Variants in ABCA2 observed in about 807,000 individuals in gnomAD.
ABCA2 encodes the protein ATP binding cassette subfamily A member 2.
Under a neutral mutation model 262.8 loss-of-function variants are expected in ABCA2, and 84 were observed. That is an observed-to-expected ratio of 0.32 (90% CI 0.27 to 0.38). The LOEUF is 0.38. ABCA2 is among the 10% of genes least tolerant of loss of function. The probability of loss-of-function intolerance (pLI) is 1.00; values close to 1 mark genes in which losing one functional copy is unlikely to be tolerated. For synonymous variants in ABCA2, 1,696 were observed against 1,502.9 expected, an observed-to-expected ratio of 1.13 and a Z score of -2.97; for missense variants, 2,662 against 3,405.9, an observed-to-expected ratio of 0.78 and a Z score of 5.44.
rs1194343034 is a variant in ABCA2, at chr9:137,018,291, C to T, written c.1880G>A (p.Arg627His). 1.2e-6 allele frequency: 2 copies of T among 1,603,424 alleles called. No homozygotes were observed. The highest frequency in any genetic ancestry group is 1.7e-6 in the Non-Finnish European group (2 of 1,176,460). Residue 627 changes from arginine (R) to histidine (H), a missense_variant, in exon 14 of 49, where the codon CGC (arginine) becomes CAC (histidine). Physicochemically the swap from Arg to His is conservative, Grantham distance 29. Coordinates refer to ENST00000341511, the MANE Select transcript of ABCA2 (RefSeq NM_001606.5). ...SLPPHVHYKIRQNSSFTEKTN... is the reference protein window; with the variant it reads ...SLPPHVHYKIHQNSSFTEKTN... The stretch of plus-strand genomic sequence containing the variant: ...TTTCTCGGTGAAGCTGGAGTTCTGG[C>T]GGATCTTGTAGTGCACGTGAGGCGG...
chr9:137,020,220 C>T lies in ABCA2; in HGVS notation c.1425+116G>A, dbSNP rs540318648. The T allele has an allele frequency of 9.5e-4, 1,341 of 1,416,588 alleles. 1 individual carries two copies. The highest frequency in any genetic ancestry group is 1.2e-3 in the Non-Finnish European group (1,211 of 1,029,482). 87.8% of individuals were successfully genotyped at this position (1,416,588 alleles called of 1,614,324 possible). A position where few individuals can be genotyped will look rare whatever the true frequency, so the allele number is the denominator to read the frequency against. ...AGAGCCTGTGTCCCATCCGAAGCTG[C>T]ACCCCGTACCCCTCCCGTGTCAATT... is the stretch of plus-strand genomic sequence containing the variant. On this transcript the variant is annotated intron_variant, in intron 10 of 48. Coordinates refer to ENST00000341511, the MANE Select transcript of ABCA2 (RefSeq NM_001606.5).
In ABCA2 at chr9:137,022,380, G is replaced by C; in HGVS notation, c.538C>G (p.Leu180Val). ...GGCGGGTCCACACGGGCGGCCAAGA[G>C]TGCTTGGGCCGTGCTATTGGGCAGC... ...LSLPNSTAQA[L>V]LAARVDPPEV... is the part of the protein sequence containing the mutation. Residue 180 changes from leucine to valine, a missense_variant, in exon 6 of 49, where the codon CTC becomes GTC. Physicochemically the swap from Leu to Val is conservative, Grantham distance 32 (BLOSUM62 1). Around this residue, in one of 12 missense-constraint regions of ABCA2, gnomAD observed 403 missense variants for 375.9 expected, o/e 1.07. Coordinates refer to ENST00000341511, the MANE Select transcript of ABCA2 (RefSeq NM_001606.5). 6.2e-7 allele frequency: 1 copy of C among 1,610,962 alleles called. No homozygotes were observed. The highest frequency in any genetic ancestry group is 8.5e-7 in the Non-Finnish European group (1 of 1,179,308).
chr9:137,008,767 G>C lies in ABCA2; in HGVS notation c.7032C>G (p.Ile2344Met), dbSNP rs772926768. Residue 2344 changes from isoleucine (I) to methionine (M), a missense_variant, in exon 47 of 49, where the codon ATC (isoleucine) becomes ATG (methionine). This residue lies in a region of ABCA2 where 212 missense variants were observed against 214.4 expected (regional missense o/e 0.99). Transcript: ENST00000341511. ...KMEQVSGVLGIEDYSVSQTTL... is the reference protein window; with the variant it reads ...KMEQVSGVLGMEDYSVSQTTL... The stretch of plus-strand genomic sequence containing the variant: ...TGGTCTGGCTGACCGAGTAGTCCTC[G>C]ATGCCCAGCACGCCAGACACCTGCT... 5.0e-6 allele frequency: 8 copies of C among 1,593,328 alleles called. No individual in the cohort carries two copies. Among genetic ancestry groups the C allele is most frequent in the East Asian group, 2.3e-5 (1 of 44,374 alleles).
At position 137,012,747 on chromosome 9, in the gene ABCA2, G is replaced by A. The variant is rs776813581; in HGVS notation, c.5046C>T (p.Tyr1682=). The A allele has an allele frequency of 1.1e-5, 17 of 1,612,568 alleles. No homozygotes were observed. The highest frequency in any genetic ancestry group is 1.7e-5 in the Admixed American group (1 of 60,008). Residue 1682 remains tyrosine (Y), a synonymous_variant, in exon 31 of 49, where the codon TAC becomes TAT. Coordinates refer to ENST00000341511, the MANE Select transcript of ABCA2 (RefSeq NM_001606.5). ...GGAAGCGGTCGGAGGTGAAGAGCAG[G>A]TACTCAGAGACATTGTGGCCGGTGA... ...TDITGHNVSE[Y]LLFTSDRFRL...
chr9:137,010,396 C>T (rs755312435), intron 40 of ABCA2, 25 bp from the exon 41 acceptor site: 58 of 1,552,954 alleles, frequency 3.7e-5, no homozygotes, highest in South Asian at 9.5e-5. Flanking sequence ...GCCCACTCAG[C>T]GGGGCATCCT....
rs781750022 is a variant in ABCA2 at position 137,018,970 on chromosome 9, A to G, written c.1655T>C (p.Met552Thr). ...RQDNFSLPSG[M>T]ALLQQLDTID... ...GGTATCCAGCTGCTGCAGGAGGGCC[A>G]TGCCACTGGGCAGCGAGAAGTTGTC... Residue 552 changes from methionine (M) to threonine (T), a missense_variant, in exon 12 of 49, where the codon ATG (methionine) becomes ACG (threonine). Around this residue, in one of 12 missense-constraint regions of ABCA2, gnomAD observed 187 missense variants for 205.9 expected, o/e 0.91. Coordinates refer to ENST00000341511, the MANE Select transcript of ABCA2 (RefSeq NM_001606.5). 4.2e-5 allele frequency: 67 copies of G among 1,612,912 alleles called. No homozygotes were observed. The highest frequency in any genetic ancestry group is 4.1e-5 in the Non-Finnish European group (48 of 1,179,900).
Position 137,010,964 on chromosome 9 carries a change from C to G in ABCA2, c.6056+9G>C. 1 of 1,510,090 alleles carries G rather than the reference C, an allele frequency of 6.6e-7. No homozygotes were observed. Among genetic ancestry groups the G allele is most frequent in the Non-Finnish European group, 9.0e-7 (1 of 1,114,822 alleles). 93.5% of individuals were successfully genotyped at this position (1,510,090 alleles called of 1,614,324 possible). A position where few individuals can be genotyped will look rare whatever the true frequency, so the allele number is the denominator to read the frequency against. On this transcript the variant is annotated intron_variant, in intron 39 of 48. Coordinates refer to ENST00000341511, the MANE Select transcript of ABCA2 (RefSeq NM_001606.5). ...GCCCCGCCCCCGCCCCACCCCGCCC[C>G]CCACTCACTGTGGCCGCCGCAGGAA...
Position 137,022,288 on chromosome 9 carries a change from C to T in ABCA2, c.567+63G>A. 2.7e-6 allele frequency: 4 copies of T among 1,506,276 alleles called. No homozygotes were observed. In the South Asian group the frequency reaches 3.9e-5, roughly 15 times the overall value. The allele number at this position is 1,506,276 out of a possible 1,614,324, so 93.3% of individuals were successfully genotyped here. On this transcript the variant is annotated intron_variant, in intron 6 of 48. Coordinates refer to ENST00000341511, the MANE Select transcript of ABCA2 (RefSeq NM_001606.5). ...GCTGAGCATCCTGAGGATGGCTCAG[C>T]AACCAGGGGGCGTGGCTGGGGCAGA...
In ABCA2 at chr9:137,014,708, G is replaced by A; in HGVS notation, c.3985C>T (p.Leu1329=). The part of the protein sequence containing the change: ...FLKVSEEDQS[L]ENSEADVKES... ...CCCTCACCGGCCTCACTGTTCTCCA[G>A]CGACTGATCCTCCTCCGACACCTTG... The change falls in exon 26 of 49, where the codon CTG becomes TTG. Residue 1329 remains leucine (L), a synonymous_variant. Transcript: ENST00000341511. 6.2e-7 allele frequency: 1 copy of A among 1,606,592 alleles called. No homozygotes were observed. Among genetic ancestry groups the A allele is most frequent in the Non-Finnish European group, 8.5e-7 (1 of 1,177,776 alleles).
rs1224686831 is a variant in ABCA2, at chr9:137,015,719, T to C, written c.3470A>G (p.Tyr1157Cys). The change falls in exon 23 of 49, where the codon TAC becomes TGC. Residue 1157 changes from tyrosine (Y) to cysteine (C), a missense_variant. Coordinates refer to ENST00000341511, the MANE Select transcript of ABCA2 (RefSeq NM_001606.5). Reference protein sequence around the residue: ...LDEPTAGVDPYARRAIWDLIL... With the variant: ...LDEPTAGVDPCARRAIWDLIL... ...GAGGTCCCAGATGGCGCGGCGCGCG[T>C]AGGGGTCCACGCCCGCCGTGGGCTC... 1.9e-6 allele frequency: 3 copies of C among 1,611,388 alleles called. No homozygotes were observed. The highest frequency in any genetic ancestry group is 4.5e-5 in the East Asian group (2 of 44,836).
chr9:137,022,905 A>C (rs761667216), intron 4 of ABCA2, 36 bp downstream of exon 4: 3 of 279,266 alleles, frequency 1.1e-5, no homozygotes. Context: ...TGGGCTGGGG[A>C]GGGGTGGGTG....
chr9:137,010,487 C>A (rs745456449), intron 40 of ABCA2, 116 bp from the exon 41 acceptor site: 3 of 1,445,196 alleles, frequency 2.1e-6, no homozygotes, highest in Admixed American at 4.1e-5. Context: ...TGCCCCACAG[C>A]CCCACCCCAT....
At chr9:137,022,197 G>T (rs1261680188) in intron 6 of ABCA2, among the ~76,000 whole-genome samples, 154 bp downstream of exon 6, 8 of 126,852 alleles carry the variant, frequency 6.3e-5, no homozygotes, top group African/African-American at 2.4e-4. Flanking sequence ...TGGGGGCATG[G>T]CTCAGAGAGT....
intron 45 of ABCA2, 40 bp downstream of exon 45, chr9:137,009,329 CG>C: frequency 9.5e-7 from 1 of 1,049,824 alleles, no homozygotes; most frequent in Admixed American, 2.1e-5. Context: ...CCGCCCCCCC[CG>C]GGCCCGCCCC....
intron 6 of ABCA2, 51 bp from the exon 7 acceptor site, chr9:137,022,052 G>C: frequency 7.7e-7 from 1 of 1,298,100 alleles, no homozygotes; most frequent in Non-Finnish European, 1.1e-6. Context: ...GCGTGGCTCA[G>C]ATGGTGGGGG....
chr9:137,022,403 A>G lies in ABCA2; in HGVS notation c.515T>C (p.Leu172Pro). Reference protein sequence around the residue: ...LWRFLTQNLSLPNSTAQALLA... With the variant: ...LWRFLTQNLSPPNSTAQALLA... ...GAGTGCTTGGGCCGTGCTATTGGGC[A>G]GCGACAAGTTTTGCGTCAGGAAACG... Residue 172 changes from leucine to proline, a missense_variant, in exon 6 of 49, where the codon CTG becomes CCG. Coordinates refer to ENST00000341511, the MANE Select transcript of ABCA2 (RefSeq NM_001606.5). 6.2e-7 allele frequency: 1 copy of G among 1,611,744 alleles called. No individual in the cohort carries two copies. The highest frequency in any genetic ancestry group is 8.5e-7 in the Non-Finnish European group (1 of 1,179,626).
chr9:137,013,493 G>A lies in ABCA2; in HGVS notation c.4518C>T (p.Ile1506=), dbSNP rs1356283404. 6 of 1,609,940 alleles carry A rather than the reference G, an allele frequency of 3.7e-6. No individual in the cohort carries two copies. The highest frequency in any genetic ancestry group is 5.1e-6 in the Non-Finnish European group (6 of 1,179,324). The change falls in exon 29 of 49, where the codon ATC becomes ATT. Residue 1506 remains isoleucine, a synonymous_variant. Coordinates refer to ENST00000341511, the MANE Select transcript of ABCA2 (RefSeq NM_001606.5). ...HNYTQPRGNF[I]PYANEERREY... is the part of the protein sequence containing the mutation. Reference sequence around the variant, plus strand: ...CGCGGCGCTCCTCGTTGGCGTAGGGGATGAAATTGCCACGGGGCTGGGTGT... The same window carrying A: ...CGCGGCGCTCCTCGTTGGCGTAGGGAATGAAATTGCCACGGGGCTGGGTGT...
intron 45 of ABCA2, 47 bp from the exon 46 acceptor site, chr9:137,009,100 A>G (rs772932661): frequency 2.6e-6 from 4 of 1,565,408 alleles, no homozygotes; most frequent in Non-Finnish European, 3.5e-6. Context: ...GCCCAGCCAG[A>G]GCCCCAGCCC....
At position 137,012,849 on chromosome 9, in the gene ABCA2, G is replaced by A. The variant is rs764265890; in HGVS notation, c.4944C>T (p.Thr1648=). 73 of 1,608,214 alleles carry A rather than the reference G, an allele frequency of 4.5e-5. No homozygotes were observed. Among genetic ancestry groups the A allele is most frequent in the Non-Finnish European group, 5.5e-5 (65 of 1,177,866 alleles). ...CCACACTGCTGGGGCAGGAGAAGCC[G>A]GTGCCCTGCGCAGAGCAGGTGCAGC... ...PVRCTCSAQG[T]GFSCPSSVGG... Residue 1648 remains threonine (T), a synonymous_variant, in exon 31 of 49, where the codon ACC becomes ACT. Transcript: ENST00000341511.
Sources: gnomAD v4.1 joint callset for allele counts (sites outside exome capture counted in the v4.1 genomes callset) on GRCh38, gnomAD v4.1.1 for gene constraint, gnomAD v4.1.1 regional missense constraint, MANE v1.5 for transcripts, NCBI Gene and HGNC (gene_info 2026-07-23, HGNC 2026-07-21) for gene names.